Variants in BEND5 observed in about 807,000 individuals in gnomAD.
BEND5 encodes the protein BEN domain containing 5, also known as BEN domain-containing protein 5.
Under a neutral mutation model 43.9 loss-of-function variants are expected in BEND5, and 22 were observed. The observed-to-expected ratio is 0.50, with a 90% CI of 0.36 to 0.72. The LOEUF is 0.72. Among genes scored for constraint, BEND5 ranks in the 30% least tolerant of loss-of-function variants. BEND5 has a pLI of 0.00. For missense variants in BEND5, 428 were observed against 550.6 expected, an observed-to-expected ratio of 0.78 and a Z score of 2.23; for synonymous variants, 228 against 225.9, an observed-to-expected ratio of 1.01 and a Z score of -0.08.
intron 5 of BEND5, among the ~76,000 whole-genome samples, chr1:48,735,304 C>G (rs1412573792): frequency 6.6e-6 from 1 of 152,198 alleles, no homozygotes; most frequent in African/African-American, 2.4e-5. Flanking sequence ...AGAATATGAA[C>G]TCCTTGCAGA....
intron 3 of BEND5, among the ~76,000 whole-genome samples, chr1:48,758,318 T>TA (rs1328581263): frequency 1.3e-5 from 2 of 152,194 alleles, no homozygotes; most frequent in Admixed American, 1.3e-4. Context: ...TTATTCCTCT[T>TA]AGTGTGCTCC....
At chr1:48,742,909 C>A (rs1650139707) in intron 3 of BEND5, 138 bp from the exon 4 acceptor site, 6 of 775,960 alleles carry the variant, frequency 7.7e-6, no homozygotes, top group Non-Finnish European at 9.3e-6. Flanking sequence ...ACACTTAAAC[C>A]CAGACTCGAA....
intron 5 of BEND5, among the ~76,000 whole-genome samples, chr1:48,734,804 C>A (rs1356429426): frequency 6.6e-6 from 1 of 152,208 alleles, no homozygotes; most frequent in Non-Finnish European, 1.5e-5. Context: ...GCTCACAGTA[C>A]CTGAAGTTAT....
At chr1:48,754,954 G>T (rs1652316945) in intron 3 of BEND5, among the ~76,000 whole-genome samples, 1 of 152,150 alleles carries the variant, frequency 6.6e-6, no homozygotes, top group South Asian at 2.1e-4. Flanking sequence ...TTCCTCATCA[G>T]CAAAATGACG....
At chr1:48,775,698 G>A (rs1329561348) in intron 1 of BEND5, among the ~76,000 whole-genome samples, 1 of 152,220 alleles carries the variant, frequency 6.6e-6, no homozygotes, top group Non-Finnish European at 1.5e-5. Context: ...CAGCATGGCA[G>A]GAAGAACTGG....
At position 48,742,707 on chromosome 1, in the gene BEND5, G is replaced by A; in HGVS notation, c.810C>T (p.Ser270=). Residue 270 remains serine (S), a synonymous_variant, in exon 4 of 6, where the codon AGC becomes AGT. Transcript: ENST00000371833. ...ECLEPEPELR[S]TFSEEANTSS... Reference sequence around the variant, plus strand: ...ACGTATTTGCTTCCTCACTGAAAGTGCTCCGTAACTCCGGCTCGGGCTCGA... The same window carrying A: ...ACGTATTTGCTTCCTCACTGAAAGTACTCCGTAACTCCGGCTCGGGCTCGA... 6.2e-7 allele frequency: 1 copy of A among 1,611,192 alleles called. No individual in the cohort carries two copies.
intron 5 of BEND5, among the ~76,000 whole-genome samples, chr1:48,735,808 C>T (rs1417065478): frequency 6.6e-6 from 1 of 151,996 alleles, no homozygotes; most frequent in African/African-American, 2.4e-5. Context: ...GCATTCCTTT[C>T]CCATCTCCAT....
Position 48,736,358 on chromosome 1 carries a change from A to C in BEND5, c.989T>G (p.Val330Gly). ...GDSKYTKNLA[V>G]MIWGTDVLKN... ...CAGAACATCTGTTCCCCAAATCATA[A>C]CTGCCAAGTTCTTCGTGTACTTGGA... The change falls in exon 5 of 6, where the codon GTT becomes GGT. Residue 330 changes from valine (V) to glycine (G), a missense_variant. By Grantham distance (109) the Val-to-Gly change is moderately radical (BLOSUM62 -3). Transcript: ENST00000371833. This position sits in a 1 kb window ranked among gnomAD's most constrained non-coding sequence, Gnocchi z 4.0. 1 of 1,614,034 alleles carries C rather than the reference A, an allele frequency of 6.2e-7. No homozygotes were observed. Among genetic ancestry groups the C allele is most frequent in the Non-Finnish European group, 8.5e-7 (1 of 1,180,016 alleles).
intron 4 of BEND5, among the ~76,000 whole-genome samples, chr1:48,740,536 C>T (rs557231521): frequency 5.3e-5 from 8 of 152,222 alleles, no homozygotes; most frequent in African/African-American, 1.9e-4. Flanking sequence ...GTGTGGCAAG[C>T]CTGATTCATG....
intron 5 of BEND5, among the ~76,000 whole-genome samples, chr1:48,731,607 C>A (rs1648140353): frequency 6.6e-6 from 1 of 152,124 alleles, no homozygotes. Flanking sequence ...AGCAGTTAGC[C>A]AGGCAAAGCA....
chr1:48,744,668 C>G (rs1009526216), intron 3 of BEND5, among the ~76,000 whole-genome samples: 2 of 152,256 alleles, frequency 1.3e-5, no homozygotes, highest in South Asian at 4.1e-4. Flanking sequence ...CTCTCCCATC[C>G]ATCTCTATAA....
chr1:48,769,564 C>T (rs1289575102), intron 1 of BEND5, among the ~76,000 whole-genome samples: 2 of 145,962 alleles, frequency 1.4e-5, no homozygotes, highest in African/African-American at 2.6e-5. Flanking sequence ...CACACACACA[C>T]ACACACAAGT....
intron 3 of BEND5, among the ~76,000 whole-genome samples, chr1:48,754,649 A>G (rs994476622): frequency 9.9e-5 from 15 of 152,202 alleles, no homozygotes; most frequent in Admixed American, 3.9e-4. Context: ...AAGTTTACAT[A>G]TGCAAATTAC....
intron 4 of BEND5, among the ~76,000 whole-genome samples, chr1:48,741,500 T>A (rs1649903430): frequency 6.6e-6 from 1 of 152,234 alleles, no homozygotes; most frequent in South Asian, 2.1e-4. Flanking sequence ...AATGGGCCTG[T>A]GGCCTGGCCC....
chr1:48,746,801 TG>T (rs1194312376), intron 3 of BEND5, among the ~76,000 whole-genome samples: 2 of 152,172 alleles, frequency 1.3e-5, no homozygotes, highest in Non-Finnish European at 2.9e-5. Context: ...CTGACGTCTC[TG>T]GAAGAGCCTA....
In BEND5 at chr1:48,728,709, G is replaced by A. The variant is rs151116031; in HGVS notation, c.1109-666C>T. Among the ~76,000 whole-genome samples, 90 of 152,300 alleles carry A rather than the reference G, an allele frequency of 5.9e-4. No homozygotes were observed. In the Middle Eastern group the frequency reaches 0.014, roughly 23 times the overall value. ...GAAATTCTCCAGTATCAGCCTAGGCGTGGACTTGCTGAATGTTAAGATGTG... is the reference window on the plus strand; with the variant it reads ...GAAATTCTCCAGTATCAGCCTAGGCATGGACTTGCTGAATGTTAAGATGTG... On this transcript the variant is annotated intron_variant, in intron 5 of 5. Coordinates refer to ENST00000371833, the MANE Select transcript of BEND5 (RefSeq NM_024603.4).
intron 3 of BEND5, among the ~76,000 whole-genome samples, chr1:48,746,201 CAA>C (rs1325549098): frequency 1.3e-5 from 2 of 152,130 alleles, no homozygotes; most frequent in Admixed American, 6.5e-5. Flanking sequence ...TTATATGAAA[CAA>C]TGATTTCAGA....
chr1:48,750,482 A>G (rs1333817738), intron 3 of BEND5, among the ~76,000 whole-genome samples: 3 of 152,130 alleles, frequency 2.0e-5, no homozygotes, highest in Non-Finnish European at 4.4e-5. Flanking sequence ...CTCCTACCCC[A>G]GCCATGTAAG....
At chr1:48,749,564 A>G (rs531796665) in intron 3 of BEND5, among the ~76,000 whole-genome samples, 5 of 152,228 alleles carry the variant, frequency 3.3e-5, no homozygotes, top group Admixed American at 2.0e-4. Flanking sequence ...TCCTCAATGA[A>G]CTGTACTTTC....
Sources: allele counts gnomAD v4.1 joint callset (sites outside exome capture counted in the v4.1 genomes callset), GRCh38; gene constraint gnomAD v4.1.1; non-coding constraint Gnocchi (gnomAD v3.1); transcripts MANE v1.5; gene names NCBI Gene and HGNC (gene_info 2026-07-23, HGNC 2026-07-21).